Variants in CALN1 observed in about 807,000 individuals in gnomAD.
CALN1 encodes the protein calcium-binding protein 8.
CALN1 carries 17 observed loss-of-function variants against 30.6 expected under a neutral mutation model. That is an observed-to-expected ratio of 0.56 (90% confidence interval 0.38 to 0.83). The LOEUF (loss-of-function observed/expected upper bound fraction) is 0.83. Ranked by LOEUF, CALN1 falls within the 40% of genes least tolerant of loss-of-function variation. The pLI is 0.00. For missense variants in CALN1, 291 were observed against 354.9 expected (o/e 0.82, Z 1.45); for synonymous variants, 156 against 131.4 (o/e 1.19, Z -1.28).
intron 1 of CALN1, among the ~76,000 whole-genome samples, chr7:72,405,267 C>T (rs1806622889): frequency 6.6e-6 from 1 of 152,228 alleles, no homozygotes; most frequent in Admixed American, 6.5e-5. Flanking sequence ...TGCAACAGTA[C>T]TTGGCCTCAA....
chr7:71,964,447 G>A (rs1797430003), intron 5 of CALN1, among the ~76,000 whole-genome samples: 1 of 152,174 alleles, frequency 6.6e-6, no homozygotes, highest in African/African-American at 2.4e-5. Context: ...AGGACAGAGG[G>A]CTTTCTGTAT....
At chr7:72,387,464 G>C (rs1421075014) in intron 2 of CALN1, among the ~76,000 whole-genome samples, 1 of 152,158 alleles carries the variant, frequency 6.6e-6, no homozygotes, top group Non-Finnish European at 1.5e-5. Flanking sequence ...CTTCACGGTA[G>C]AGAAACCTGA....
intron 4 of CALN1, among the ~76,000 whole-genome samples, chr7:72,102,887 C>A (rs1340824171): frequency 2.0e-5 from 3 of 151,784 alleles, no homozygotes; most frequent in Admixed American, 6.6e-5. Context: ...ATCCTGCCCA[C>A]CATGGTGAAA....
At chr7:71,996,599 A>G (rs1354277238) in intron 5 of CALN1, among the ~76,000 whole-genome samples, 4 of 152,172 alleles carry the variant, frequency 2.6e-5, no homozygotes, top group Admixed American at 6.5e-5. Context: ...TCCGTGGTGT[A>G]TATGTACCAC....
intron 3 of CALN1, among the ~76,000 whole-genome samples, chr7:72,245,888 G>A (rs1795126106): frequency 6.6e-6 from 1 of 152,142 alleles, no homozygotes; most frequent in South Asian, 2.1e-4. Context: ...CATTCCACCA[G>A]CAAAGAAATG....
At chr7:72,245,600 A>G (rs958080622) in intron 3 of CALN1, among the ~76,000 whole-genome samples, 4 of 150,792 alleles carry the variant, frequency 2.7e-5, no homozygotes, top group African/African-American at 9.8e-5. Context: ...CCTGGGCAAC[A>G]AGAATGAAAC....
At chr7:72,359,144 G>C (rs969790021) in intron 2 of CALN1, among the ~76,000 whole-genome samples, 3 of 152,010 alleles carry the variant, frequency 2.0e-5, no homozygotes, top group African/African-American at 7.3e-5. Flanking sequence ...CCCTGCACTA[G>C]ATCTCATACC....
chr7:72,495,269 C>G, the CALN1 span, among the ~76,000 whole-genome samples: 3 of 152,284 alleles, frequency 2.0e-5, no homozygotes, highest in East Asian at 5.8e-4. Context: ...CTACCCAAAT[C>G]CTCCTTGGGC....
chr7:71,870,068 C>T (rs750101831), intron 5 of CALN1, among the ~76,000 whole-genome samples: 1 of 152,138 alleles, frequency 6.6e-6, no homozygotes, highest in Non-Finnish European at 1.5e-5. Flanking sequence ...TTTACCTGCA[C>T]CTATAATATT....
intron 3 of CALN1, among the ~76,000 whole-genome samples, chr7:72,196,984 G>A (rs1042369826): frequency 1.3e-5 from 2 of 152,044 alleles, no homozygotes; most frequent in Admixed American, 1.3e-4. Flanking sequence ...GGGATAGTCT[G>A]AAAAACTCTC....
intron 2 of CALN1, among the ~76,000 whole-genome samples, chr7:72,364,590 TG>T (rs1554388823): frequency 6.6e-6 from 1 of 152,130 alleles, no homozygotes; most frequent in Non-Finnish European, 1.5e-5. Context: ...GGTAAATAGA[TG>T]AACAAAACAC....
intron 4 of CALN1, among the ~76,000 whole-genome samples, chr7:72,087,444 C>T (rs1805552780): frequency 6.6e-6 from 1 of 152,018 alleles, no homozygotes; most frequent in Non-Finnish European, 1.5e-5. Context: ...AGGCAGCCAC[C>T]ACCAATCAAT....
At chr7:72,161,686 T>C (rs1014432405) in intron 3 of CALN1, among the ~76,000 whole-genome samples, 1 of 152,032 alleles carries the variant, frequency 6.6e-6, no homozygotes, top group Non-Finnish European at 1.5e-5. Flanking sequence ...TTGTACCGCA[T>C]GTTCTCACTT....
At chr7:72,285,400 C>T (rs1345182343) in intron 2 of CALN1, among the ~76,000 whole-genome samples, 2 of 151,984 alleles carry the variant, frequency 1.3e-5, no homozygotes, top group Admixed American at 6.6e-5. Context: ...CCTGCCACCA[C>T]GTCTGCCTAA....
At chr7:72,439,251 C>A (rs1012479007) in intron 1 of CALN1, among the ~76,000 whole-genome samples, 2 of 152,050 alleles carry the variant, frequency 1.3e-5, no homozygotes, top group African/African-American at 4.8e-5. Context: ...AGGTTGGTAT[C>A]AAACCCCTGA....
chr7:71,950,350 A>C (rs921261508), intron 5 of CALN1, among the ~76,000 whole-genome samples: 2 of 152,196 alleles, frequency 1.3e-5, no homozygotes, highest in Non-Finnish European at 2.9e-5. Context: ...CCACAGATAC[A>C]TGGAAGGGTT....
chr7:71,940,599 T>A (rs1037821923), intron 5 of CALN1, among the ~76,000 whole-genome samples: 5 of 152,140 alleles, frequency 3.3e-5, no homozygotes, highest in African/African-American at 1.2e-4. Context: ...CTTCTTCTGT[T>A]TTTTGTTTGT....
intron 3 of CALN1, among the ~76,000 whole-genome samples, chr7:72,107,637 G>A (rs982231916): frequency 1.3e-5 from 2 of 152,116 alleles, no homozygotes; most frequent in African/African-American, 4.8e-5. Context: ...TGAAAGGTTC[G>A]TTAATTGTTT....
intron 5 of CALN1, among the ~76,000 whole-genome samples, chr7:71,947,502 C>T (rs569211527): frequency 3.5e-4 from 54 of 152,278 alleles, no homozygotes; most frequent in African/African-American, 1.3e-3. Context: ...ACACCCTTTT[C>T]CTATGCTATG....
Sources: gnomAD v4.1 joint callset for allele counts (sites outside exome capture counted in the v4.1 genomes callset) on GRCh38, gnomAD v4.1.1 for gene constraint, MANE v1.5 for transcripts, NCBI Gene and HGNC (gene_info 2026-07-23, HGNC 2026-07-21) for gene names.